TCTN2: variants seen among roughly 807,000 people sequenced by gnomAD.
TCTN2 encodes tectonic family member 2, also known as tectonic-2.
A neutral mutation model predicts 83.4 loss-of-function variants in TCTN2; 66 were observed. The observed-to-expected ratio is 0.79, with a 90% CI of 0.65 to 0.97. The LOEUF (loss-of-function observed/expected upper bound fraction) is 0.97, where lower values mean the gene tolerates loss of function less well. TCTN2 is among the 50% of genes least tolerant of loss of function. The pLI, the probability that TCTN2 is intolerant of heterozygous loss-of-function variation, is 0.00. For missense variants in TCTN2, 794 were observed against 858.1 expected (o/e 0.93, Z 0.93); for synonymous variants, 301 against 326.7 (o/e 0.92, Z 0.85).
chr12:123,681,914 G>T (rs767608613), intron 5 of TCTN2, among the ~76,000 whole-genome samples: 1 of 152,068 alleles, frequency 6.6e-6, no homozygotes, highest in South Asian at 2.1e-4. Context: ...TGTCTGTTTG[G>T]TTATAGCCAT....
rs76503558 is a variant in TCTN2, at chr12:123,694,815, T to A, written c.1100-27T>A. The A allele has an allele frequency of 2.3e-3, 3,703 of 1,606,432 alleles. 80 individuals carry two copies. The African/African-American group carries it at 0.043, about 19-fold the overall frequency. The stretch of plus-strand genomic sequence containing the variant: ...AGTCAGGCTCAAAGAGGGTCTTTAA[T>A]TTATGAACATATTCTTGTATTTGCA... On this transcript the variant is annotated intron_variant, in intron 9 of 17. Transcript: ENST00000303372.
intron 4 of TCTN2, among the ~76,000 whole-genome samples, chr12:123,675,598 A>T (rs558211152): frequency 1.3e-4 from 20 of 152,344 alleles, no homozygotes; most frequent in African/African-American, 4.1e-4. Flanking sequence ...ACTTGCATGG[A>T]AAGGCCTCCA....
At chr12:123,671,944 T>G (rs1411355664) in intron 2 of TCTN2, 112 bp from the exon 3 acceptor site, 1 of 921,968 alleles carries the variant, frequency 1.1e-6, no homozygotes, top group Admixed American at 1.7e-5. Context: ...AAGCAGCTTG[T>G]AAAGGGCCCA....
chr12:123,695,342 A>G, intron 11 of TCTN2, 45 bp downstream of exon 11: 1 of 1,262,346 alleles, frequency 7.9e-7, no homozygotes, highest in Non-Finnish European at 1.2e-6. Context: ...AACATACTTT[A>G]GTTCAACACT....
At chr12:123,698,926 C>A (rs1956140852) in intron 13 of TCTN2, among the ~76,000 whole-genome samples, 1 of 152,114 alleles carries the variant, frequency 6.6e-6, no homozygotes, top group African/African-American at 2.4e-5. Context: ...GAGATTTGTA[C>A]CCTCCAGTGA....
intron 5 of TCTN2, among the ~76,000 whole-genome samples, chr12:123,683,702 G>A (rs1403955624): frequency 1.3e-5 from 2 of 152,012 alleles, no homozygotes; most frequent in South Asian, 2.1e-4. Flanking sequence ...GCAGTGGCAC[G>A]ATCTTGGCTC....
At chr12:123,705,098 C>T (rs1956214135) in intron 15 of TCTN2, among the ~76,000 whole-genome samples, 1 of 150,886 alleles carries the variant, frequency 6.6e-6, no homozygotes, top group African/African-American at 2.4e-5. Context: ...CTTAACCTTT[C>T]TGAGCTGTAG....
chr12:123,695,225 A>G lies in TCTN2; in HGVS notation c.1240A>G (p.Met414Val). The G allele has an allele frequency of 6.4e-7, 1 of 1,560,064 alleles. No individual in the cohort carries two copies. The highest frequency in any genetic ancestry group is 1.1e-5 in the South Asian group (1 of 89,878). Residue 414 changes from methionine to valine, a missense_variant, in exon 11 of 18, where the codon ATG becomes GTG. Physicochemically the swap from Met to Val is conservative, Grantham distance 21. Transcript: ENST00000303372. ...TTATTTTGTTTTATTTCTAGGGATA[A>G]TGACACAGAGATTTGTAGTAAAATT... ...AEINAHQKGIMTQRFVVKFLS... is the reference protein window; with the variant it reads ...AEINAHQKGIVTQRFVVKFLS...
intron 5 of TCTN2, among the ~76,000 whole-genome samples, chr12:123,685,524 G>A (rs994322182): frequency 2.0e-5 from 3 of 151,538 alleles, no homozygotes; most frequent in Admixed American, 1.3e-4. Context: ...GTTCAAGTGA[G>A]TCTCCTGCCT....
chr12:123,705,446 C>G (rs1470725913), intron 15 of TCTN2, among the ~76,000 whole-genome samples: 1 of 151,990 alleles, frequency 6.6e-6, no homozygotes, highest in African/African-American at 2.4e-5. Context: ...CAGGCATGAG[C>G]CACCGCGCCC....
At chr12:123,707,362 T>C (rs1956243154) in intron 17 of TCTN2, 1 of 621,750 alleles carries the variant, frequency 1.6e-6, no homozygotes, top group Non-Finnish European at 2.9e-6. Context: ...CTCTCGTGCC[T>C]CAGCCTTTGG....
intron 15 of TCTN2, 56 bp from the exon 16 acceptor site, chr12:123,706,670 T>G: frequency 6.2e-7 from 1 of 1,613,334 alleles, no homozygotes; most frequent in Non-Finnish European, 8.5e-7. Context: ...CCTGCTGTTC[T>G]TGGTGGAATA....
chr12:123,685,718 C>CTTT (rs3071665), intron 5 of TCTN2, among the ~76,000 whole-genome samples: 2 of 109,450 alleles, frequency 1.8e-5, no homozygotes, highest in Non-Finnish European at 3.6e-5. Context: ...TGCGCCCGGT[C>CTTT]TTTTTTTTTT....
Position 123,700,482 on chromosome 12 carries a change from G to A in TCTN2, c.1612+672G>A, listed in dbSNP as rs1593863951. Among the ~76,000 whole-genome samples, 3 of 152,286 alleles carry A rather than the reference G, an allele frequency of 2.0e-5. No homozygotes were observed. The South Asian group carries it at 6.2e-4, about 32-fold the overall frequency. On this transcript the variant is annotated intron_variant, in intron 14 of 17. Coordinates refer to ENST00000303372, the MANE Select transcript of TCTN2 (RefSeq NM_024809.5). Reference sequence around the variant, plus strand: ...AGTCTTGCTCTTGTCACCCATGCTGGAGTGCAATGGCACAATCTCGGCTCA... The same window carrying A: ...AGTCTTGCTCTTGTCACCCATGCTGAAGTGCAATGGCACAATCTCGGCTCA...
chr12:123,684,434 T>A (rs1279008948), intron 5 of TCTN2, among the ~76,000 whole-genome samples: 1 of 150,678 alleles, frequency 6.6e-6, no homozygotes, highest in African/African-American at 2.4e-5. Context: ...AGAGTCTTGA[T>A]CCGTCGCCCA....
chr12:123,672,464 C>T (rs1482220062), intron 3 of TCTN2, among the ~76,000 whole-genome samples: 1 of 152,076 alleles, frequency 6.6e-6, no homozygotes, highest in African/African-American at 2.4e-5. Context: ...TGCCAGGCAT[C>T]GTGGCTCACG....
At chr12:123,693,471 G>A (rs1276450905) in intron 9 of TCTN2, among the ~76,000 whole-genome samples, 1 of 29,664 alleles carries the variant, frequency 3.4e-5, no homozygotes, top group African/African-American at 1.5e-4. Flanking sequence ...TTTTTTTTTT[G>A]AGATGGATTC....
chr12:123,695,071 T>C, intron 10 of TCTN2, 95 bp downstream of exon 10: 1 of 1,542,096 alleles, frequency 6.5e-7, no homozygotes, highest in East Asian at 2.2e-5. Flanking sequence ...TAAAACTAAG[T>C]TGGACTTGTT....
At chr12:123,699,451 G>A (rs986085997) in intron 13 of TCTN2, among the ~76,000 whole-genome samples, 1 of 152,174 alleles carries the variant, frequency 6.6e-6, no homozygotes, top group East Asian at 1.9e-4. Flanking sequence ...CACTGCACCC[G>A]GCCAAGTTAC....
Sources: allele counts gnomAD v4.1 joint callset (sites outside exome capture counted in the v4.1 genomes callset), GRCh38; gene constraint gnomAD v4.1.1; transcripts MANE v1.5; gene names NCBI Gene and HGNC (gene_info 2026-07-23, HGNC 2026-07-21).